Variants in ARK2N observed in about 807,000 individuals in gnomAD.
ARK2N encodes arkadia (RNF111) N-terminal like PKA signaling regulator 2N.
the ARK2N span, among the ~76,000 whole-genome samples, chr18:46,184,374 G>A: frequency 7.2e-5 from 11 of 152,138 alleles, no homozygotes; most frequent in Non-Finnish European, 1.5e-4. Context: ...TGCCTGCCTC[G>A]GCCTCCCAAA....
At chr18:46,246,856 G>T in the ARK2N span, among the ~76,000 whole-genome samples, 3 of 151,328 alleles carry the variant, frequency 2.0e-5, no homozygotes, top group East Asian at 5.8e-4. Context: ...TGGGAGAATC[G>T]CTTGAACCCG....
chr18:46,228,522 C>G, the ARK2N span, among the ~76,000 whole-genome samples: 1 of 152,058 alleles, frequency 6.6e-6, no homozygotes, highest in Non-Finnish European at 1.5e-5. Flanking sequence ...GGCAAGAGCT[C>G]TGTAGATTTT....
At chr18:46,221,525 A>G in the ARK2N span, among the ~76,000 whole-genome samples, 7 of 146,940 alleles carry the variant, frequency 4.8e-5, no homozygotes, top group African/African-American at 1.8e-4. Flanking sequence ...ATGCCACTGC[A>G]CTCCAGCCTG....
chr18:46,186,945 C>G, the ARK2N span, among the ~76,000 whole-genome samples: 1 of 151,624 alleles, frequency 6.6e-6, no homozygotes, highest in South Asian at 2.1e-4. Flanking sequence ...ACCTCTGCCT[C>G]CCGGATTCAA....
chr18:46,194,656 A>C, the ARK2N span, among the ~76,000 whole-genome samples: 7 of 144,808 alleles, frequency 4.8e-5, no homozygotes, highest in Non-Finnish European at 9.1e-5. Flanking sequence ...TTTTATTTTT[A>C]GTAGAGACGG....
At chr18:46,258,043 C>T in the ARK2N span, among the ~76,000 whole-genome samples, 7 of 152,150 alleles carry the variant, frequency 4.6e-5, no homozygotes, top group African/African-American at 1.7e-4. Context: ...TCTCCTGCCT[C>T]AGCCTCCCAA....
chr18:46,259,403 C>T, the ARK2N span, among the ~76,000 whole-genome samples: 1 of 151,952 alleles, frequency 6.6e-6, no homozygotes, highest in Non-Finnish European at 1.5e-5. Flanking sequence ...GCCACCGTGC[C>T]TGGCTCATTT....
chr18:46,184,414 G>A, the ARK2N span, among the ~76,000 whole-genome samples: 4 of 151,908 alleles, frequency 2.6e-5, no homozygotes, highest in East Asian at 1.9e-4. Context: ...GAGCTACTGC[G>A]CCCGGCCTCG....
At chr18:46,194,495 C>T in the ARK2N span, among the ~76,000 whole-genome samples, 7 of 149,454 alleles carry the variant, frequency 4.7e-5, no homozygotes, top group African/African-American at 9.9e-5. Flanking sequence ...TTTTTTGAGA[C>T]GGAGTCTCGC....
chr18:46,227,575 A>G, the ARK2N span, among the ~76,000 whole-genome samples: 2 of 152,108 alleles, frequency 1.3e-5, no homozygotes, highest in African/African-American at 4.8e-5. Context: ...AAATATATAC[A>G]TATGACTAGA....
chr18:46,259,686 G>A, the ARK2N span, among the ~76,000 whole-genome samples: 1 of 151,552 alleles, frequency 6.6e-6, no homozygotes, highest in South Asian at 2.1e-4. Flanking sequence ...GTTCACTGCA[G>A]CCTCGACCGC....
At chr18:46,179,022 A>G in the ARK2N span, among the ~76,000 whole-genome samples, 1 of 152,064 alleles carries the variant, frequency 6.6e-6, no homozygotes, top group Non-Finnish European at 1.5e-5. Context: ...TGCTCACAGC[A>G]ACCTCTGCCT....
At chr18:46,188,274 C>T in the ARK2N span, among the ~76,000 whole-genome samples, 20 of 152,136 alleles carry the variant, frequency 1.3e-4, no homozygotes, top group Admixed American at 1.3e-3. Flanking sequence ...GATCTTGGCT[C>T]ACTGCAACCT....
chr18:46,205,535 C>A, the ARK2N span, among the ~76,000 whole-genome samples: 1 of 152,150 alleles, frequency 6.6e-6, no homozygotes, highest in Admixed American at 6.5e-5. Flanking sequence ...TAATTCCTTG[C>A]CTATCCGTTT....
At chr18:46,247,293 G>T in the ARK2N span, among the ~76,000 whole-genome samples, 1 of 152,162 alleles carries the variant, frequency 6.6e-6, no homozygotes, top group Non-Finnish European at 1.5e-5. Context: ...AGGTAGTAAG[G>T]TGAGGATGGC....
the ARK2N span, among the ~76,000 whole-genome samples, chr18:46,231,447 T>C: frequency 1.8e-3 from 267 of 152,214 alleles, no homozygotes; most frequent in African/African-American, 6.2e-3. Flanking sequence ...ATTAATATAA[T>C]ACCTGTTTAT....
At chr18:46,261,538 C>G in the ARK2N span, among the ~76,000 whole-genome samples, 1 of 152,222 alleles carries the variant, frequency 6.6e-6, no homozygotes, top group African/African-American at 2.4e-5. Context: ...TTTTCCATGA[C>G]TACATGGTCA....
the ARK2N span, among the ~76,000 whole-genome samples, chr18:46,250,978 A>G: frequency 6.6e-6 from 1 of 152,214 alleles, no homozygotes; most frequent in Non-Finnish European, 1.5e-5. Flanking sequence ...GCCATGGTGC[A>G]ATAGACTGCT....
At chr18:46,188,235 T>C in the ARK2N span, among the ~76,000 whole-genome samples, 2 of 152,138 alleles carry the variant, frequency 1.3e-5, no homozygotes, top group South Asian at 4.1e-4. Context: ...AGTTTTGCTC[T>C]TGTTGCCCAG....
Sources: allele counts gnomAD v4.1 joint callset (sites outside exome capture counted in the v4.1 genomes callset), GRCh38; gene constraint gnomAD v4.1.1; transcripts MANE v1.5; gene names NCBI Gene and HGNC (gene_info 2026-07-23, HGNC 2026-07-21).